The following EFCAB6 variants were observed in gnomAD, a reference collection of about 807,000 sequenced individuals.
EFCAB6 encodes EF-hand calcium binding domain 6.
In EFCAB6, 156 loss-of-function variants were observed where a neutral mutation model predicts 169.8. The ratio of observed to expected loss-of-function variants is 0.92; its 90% CI spans 0.81 to 1.05. EFCAB6 has a LOEUF of 1.05. Among genes scored for constraint, EFCAB6 ranks in the 50% least tolerant of loss-of-function variants. EFCAB6 has a pLI of 0.00. For missense variants in EFCAB6, 1,800 were observed against 1,829.1 expected (o/e 0.98, Z 0.29); for synonymous variants, 698 against 676.4 (o/e 1.03, Z -0.50).
intron 8 of EFCAB6, among the ~76,000 whole-genome samples, chr22:43,730,107 A>T (rs1345813615): frequency 6.7e-6 from 1 of 148,772 alleles, no homozygotes; most frequent in Non-Finnish European, 1.5e-5. Context: ...GGAATTGCTC[A>T]GGAGGTTGAG....
chr22:43,553,146 A>T (rs534314209), intron 27 of EFCAB6: 2 of 152,114 alleles, frequency 1.3e-5, no homozygotes, highest in African/African-American at 2.4e-5. Context: ...ACGCTTCCCT[A>T]TGAATACTTC....
At chr22:43,545,352 T>C (rs1258643961) in intron 27 of EFCAB6, among the ~76,000 whole-genome samples, 1 of 152,208 alleles carries the variant, frequency 6.6e-6, no homozygotes, top group Admixed American at 6.5e-5. Context: ...AAAGAGATCC[T>C]AGGCATTATG....
rs3221390 is a variant in EFCAB6, at chr22:43,689,349, GCACA to G, written c.1032-1772_1032-1769del. On this transcript the variant is annotated intron_variant, in intron 10 of 31. Transcript: ENST00000262726. ...GTGGGCCACGTGAGGGAGAGCACGT[GCACA>G]CACACACACACACACACACACACAC... is the stretch of plus-strand genomic sequence containing the variant. Among the ~76,000 whole-genome samples the G allele has an allele frequency of 5.3e-4, 78 of 147,070 alleles. 1 individual carries two copies. Among genetic ancestry groups the G allele is most frequent in the African/African-American group, 1.2e-3 (49 of 39,298 alleles).
chr22:43,797,835 T>A (rs954240346), intron 2 of EFCAB6, among the ~76,000 whole-genome samples: 1 of 152,174 alleles, frequency 6.6e-6, no homozygotes, highest in African/African-American at 2.4e-5. Context: ...CCCGGCTCCC[T>A]CTGCCTCAAC....
At chr22:43,613,455 T>C (rs574012783) in intron 21 of EFCAB6, among the ~76,000 whole-genome samples, 26 of 152,244 alleles carry the variant, frequency 1.7e-4, no homozygotes, top group African/African-American at 6.3e-4. Flanking sequence ...ATCATGTCCT[T>C]TGCAGGAACA....
chr22:43,789,421 T>C (rs2062193714), intron 2 of EFCAB6, among the ~76,000 whole-genome samples: 2 of 152,320 alleles, frequency 1.3e-5, no homozygotes, highest in African/African-American at 4.8e-5. Context: ...TCCCTTTCAA[T>C]AATTTCTAAG....
chr22:43,610,457 A>G (rs1451598607), intron 21 of EFCAB6, among the ~76,000 whole-genome samples: 6 of 152,244 alleles, frequency 3.9e-5, no homozygotes, highest in East Asian at 3.8e-4. Flanking sequence ...CAAAATGCCA[A>G]TCAAATCTGC....
At chr22:43,811,091 C>T (rs960389831) in intron 1 of EFCAB6, among the ~76,000 whole-genome samples, 3 of 151,946 alleles carry the variant, frequency 2.0e-5, no homozygotes, top group Non-Finnish European at 4.4e-5. Context: ...ACCAACCTGG[C>T]CAACATGGTG....
intron 19 of EFCAB6, among the ~76,000 whole-genome samples, chr22:43,630,215 C>T (rs2054835261): frequency 6.6e-6 from 1 of 152,164 alleles, no homozygotes; most frequent in Non-Finnish European, 1.5e-5. Flanking sequence ...CGTATACCTG[C>T]AAGGACACAA....
At chr22:43,738,857 C>T (rs1236534060) in intron 6 of EFCAB6, among the ~76,000 whole-genome samples, 3 of 152,182 alleles carry the variant, frequency 2.0e-5, no homozygotes, top group African/African-American at 7.2e-5. Context: ...TGGCTCCATC[C>T]CCACATGAGA....
At chr22:43,728,361 G>A (rs1056737058) in intron 8 of EFCAB6, among the ~76,000 whole-genome samples, 4 of 152,142 alleles carry the variant, frequency 2.6e-5, no homozygotes, top group African/African-American at 9.7e-5. Context: ...AAATAGTGCT[G>A]CAATAAACAT....
chr22:43,600,170 T>C lies in EFCAB6; in HGVS notation c.2775A>G (p.Ala925=), dbSNP rs376957490. Residue 925 remains alanine, a synonymous_variant, in exon 23 of 32, where the codon GCA becomes GCG. Transcript: ENST00000262726. ...NYSPAVHRPC[A]EDYFNFMGHF... is the part of the protein sequence containing the mutation. ...GACCCATGAAGTTGAAATAATCCTC[T>C]GCACAGGGCCGATGGACAGCAGGCG... 3.7e-5 allele frequency: 60 copies of C among 1,614,194 alleles called. No individual in the cohort carries two copies. The Middle Eastern group carries it at 4.9e-4, about 13-fold the overall frequency.
At chr22:43,810,726 T>A (rs145672893) in intron 1 of EFCAB6, among the ~76,000 whole-genome samples, 5 of 152,316 alleles carry the variant, frequency 3.3e-5, no homozygotes, top group Non-Finnish European at 7.4e-5. Context: ...CACTTCTTGA[T>A]AAATATCTAT....
At chr22:43,708,478 A>T (rs2059039552) in intron 10 of EFCAB6, among the ~76,000 whole-genome samples, 1 of 152,192 alleles carries the variant, frequency 6.6e-6, no homozygotes, top group East Asian at 1.9e-4. Context: ...AAATAATAAT[A>T]CAAAATAAGA....
intron 8 of EFCAB6, among the ~76,000 whole-genome samples, chr22:43,725,464 C>T (rs1603284567): frequency 6.6e-6 from 1 of 152,162 alleles, no homozygotes; most frequent in Non-Finnish European, 1.5e-5. Flanking sequence ...ATAACAGACT[C>T]ACTGTTATGA....
chr22:43,693,726 C>A (rs936835112), intron 10 of EFCAB6, among the ~76,000 whole-genome samples: 1 of 151,594 alleles, frequency 6.6e-6, no homozygotes. Context: ...TACAATAGTT[C>A]TTTAAATTTA....
chr22:43,687,406 C>T (rs940843207), intron 11 of EFCAB6, 65 bp downstream of exon 11: 8 of 972,408 alleles, frequency 8.2e-6, no homozygotes, highest in Non-Finnish European at 1.2e-5. Context: ...CACAGATATT[C>T]TCTGATATTT....
chr22:43,695,381 T>C (rs879853967), intron 10 of EFCAB6, among the ~76,000 whole-genome samples: 25 of 152,018 alleles, frequency 1.6e-4, no homozygotes, highest in Non-Finnish European at 2.9e-4. Context: ...AGCATGTTTA[T>C]GGAGTGGAAA....
intron 26 of EFCAB6, among the ~76,000 whole-genome samples, chr22:43,568,869 G>A (rs890782971): frequency 2.0e-5 from 3 of 152,152 alleles, no homozygotes; most frequent in African/African-American, 7.2e-5. Flanking sequence ...TCACCAACAG[G>A]TTCATGATAG....
Sources: gnomAD v4.1 joint callset for allele counts (sites outside exome capture counted in the v4.1 genomes callset) on GRCh38, gnomAD v4.1.1 for gene constraint, MANE v1.5 for transcripts, NCBI Gene and HGNC (gene_info 2026-07-23, HGNC 2026-07-21) for gene names.